The following ADCY2 variants were observed in gnomAD, a reference collection of about 807,000 sequenced individuals.
ADCY2 encodes adenylate cyclase type 2.
In ADCY2, 31 loss-of-function variants were observed where a neutral mutation model predicts 125.2. The ratio of observed to expected loss-of-function variants is 0.25; its 90% confidence interval spans 0.19 to 0.33. ADCY2 has a LOEUF of 0.33. ADCY2 is among the 10% of genes least tolerant of loss of function. The probability of loss-of-function intolerance (pLI) is 1.00; values close to 1 mark genes in which losing one functional copy is unlikely to be tolerated. For missense variants in ADCY2, 904 were observed against 1,418.2 expected (o/e 0.64, Z 5.82); for synonymous variants, 512 against 548.4 (o/e 0.93, Z 0.93).
In ADCY2 at chr5:7,775,269, CAG is replaced by C. The variant is rs1188531426; in HGVS notation, c.2384+2171_2384+2172del. 3.3e-5 allele frequency among the ~76,000 whole-genome samples: 5 copies of C among 151,694 alleles called. No individual in the cohort carries two copies. In the South Asian group the frequency reaches 8.3e-4, roughly 25 times the overall value. On this transcript the variant is annotated intron_variant, in intron 18 of 24. Transcript: ENST00000338316. ...TACACGTATATATTTTTAGTAGAGA[CAG>C]AGTTTCATCATGTTGGCCAGGCTGC...
At chr5:7,443,069 G>A (rs1741073827) in intron 2 of ADCY2, among the ~76,000 whole-genome samples, 1 of 151,988 alleles carries the variant, frequency 6.6e-6, no homozygotes, top group African/African-American at 2.4e-5. Context: ...TTGGATTTCT[G>A]CACAACAAAA....
intron 3 of ADCY2, among the ~76,000 whole-genome samples, chr5:7,620,481 C>T (rs1737919298): frequency 6.6e-6 from 1 of 152,166 alleles, no homozygotes; most frequent in Non-Finnish European, 1.5e-5. Context: ...CACTGGATGT[C>T]ATTAACCAAA....
At chr5:7,459,146 T>C (rs553276223) in intron 2 of ADCY2, among the ~76,000 whole-genome samples, 34 of 152,266 alleles carry the variant, frequency 2.2e-4, no homozygotes, top group African/African-American at 7.7e-4. Flanking sequence ...GGGAGTTCCT[T>C]GGGGGATGAC....
intron 11 of ADCY2, among the ~76,000 whole-genome samples, chr5:7,714,657 C>T (rs1741541664): frequency 6.6e-6 from 1 of 152,234 alleles, no homozygotes. Context: ...GCTCTTCAGG[C>T]TTGCCTGCTT....
intron 3 of ADCY2, among the ~76,000 whole-genome samples, chr5:7,548,156 G>A (rs909923763): frequency 2.0e-5 from 3 of 152,128 alleles, no homozygotes; most frequent in African/African-American, 7.2e-5. Flanking sequence ...AACATATCAT[G>A]TCAGTTTTGT....
intron 2 of ADCY2, among the ~76,000 whole-genome samples, chr5:7,488,261 T>C (rs540523305): frequency 6.6e-6 from 1 of 152,314 alleles, no homozygotes; most frequent in Non-Finnish European, 1.5e-5. Flanking sequence ...GGCCACCATG[T>C]AAGACACCCG....
chr5:7,660,237 AGAGAAGGAAGGAAG>A (rs1351498895), intron 4 of ADCY2, among the ~76,000 whole-genome samples: 48 of 135,712 alleles, frequency 3.5e-4, no homozygotes, highest in Non-Finnish European at 5.7e-4. Context: ...GGAGGGAGGG[AGAGAAGGAAGGAAG>A]GAAGGAAGGA....
intron 19 of ADCY2, among the ~76,000 whole-genome samples, chr5:7,788,347 T>C (rs962885470): frequency 1.3e-5 from 2 of 152,022 alleles, no homozygotes; most frequent in Non-Finnish European, 2.9e-5. Flanking sequence ...GCCCGGCTAA[T>C]TTTTGTATTT....
At chr5:7,474,781 A>C (rs1418268254) in intron 2 of ADCY2, among the ~76,000 whole-genome samples, 1 of 152,256 alleles carries the variant, frequency 6.6e-6, no homozygotes. Context: ...AAGAATTCAC[A>C]TATCAACTGG....
At chr5:7,418,349 T>C (rs2126341611) in intron 2 of ADCY2, among the ~76,000 whole-genome samples, 1 of 152,286 alleles carries the variant, frequency 6.6e-6, no homozygotes, top group East Asian at 1.9e-4. Context: ...ACCTGCCGCC[T>C]GGGGATGTTT....
intron 1 of ADCY2, among the ~76,000 whole-genome samples, chr5:7,413,692 A>G (rs528470348): frequency 1.1e-4 from 17 of 152,074 alleles, no homozygotes; most frequent in Non-Finnish European, 2.2e-4. Context: ...TCTGTTCCAT[A>G]GTAAACGCTG....
chr5:7,554,479 C>T (rs1479411569), intron 3 of ADCY2, among the ~76,000 whole-genome samples: 1 of 151,894 alleles, frequency 6.6e-6, no homozygotes, highest in East Asian at 1.9e-4. Context: ...GTTTACTTGC[C>T]ATAAATAAGA....
intron 2 of ADCY2, among the ~76,000 whole-genome samples, chr5:7,517,226 TTCTGCAGAGGA>T (rs1436582803): frequency 6.6e-6 from 1 of 152,158 alleles, no homozygotes; most frequent in Non-Finnish European, 1.5e-5. Flanking sequence ...AACTTGGGGT[TTCTGCAGAGGA>T]TCACAGGAAT....
chr5:7,485,118 G>A (rs1742875751), intron 2 of ADCY2, among the ~76,000 whole-genome samples: 1 of 152,154 alleles, frequency 6.6e-6, no homozygotes, highest in Admixed American at 6.6e-5. Context: ...TAAATTCAGT[G>A]GACCAATTAT....
intron 2 of ADCY2, among the ~76,000 whole-genome samples, chr5:7,432,515 G>T (rs905603989): frequency 1.3e-5 from 2 of 152,110 alleles, no homozygotes; most frequent in Non-Finnish European, 2.9e-5. Context: ...TCCTGGACCC[G>T]CTCACCTTCG....
chr5:7,438,012 G>T (rs1480138039), intron 2 of ADCY2, among the ~76,000 whole-genome samples: 1 of 152,176 alleles, frequency 6.6e-6, no homozygotes, highest in Non-Finnish European at 1.5e-5. Flanking sequence ...GATAAGAAAA[G>T]AAAAGAAATG....
intron 20 of ADCY2, among the ~76,000 whole-genome samples, chr5:7,790,566 C>T (rs1033392252): frequency 4.6e-5 from 7 of 152,218 alleles, no homozygotes; most frequent in African/African-American, 7.2e-5. Context: ...ATCCACAGTA[C>T]GCAAAGCCCT....
rs545964758 is a variant in ADCY2, at chr5:7,711,617, G to A, written c.1579-1239G>A. Among the ~76,000 whole-genome samples the A allele has an allele frequency of 1.1e-4, 17 of 152,200 alleles. 1 individual carries two copies. In the South Asian group the frequency reaches 2.9e-3, roughly 26 times the overall value. ...TGACTGTCTCTTTTATTATCTGAGC[G>A]TAGGATCCAGGAATGGTTTCAGTCT... On this transcript the variant is annotated intron_variant, in intron 10 of 24. Coordinates refer to ENST00000338316, the MANE Select transcript of ADCY2 (RefSeq NM_020546.3).
At chr5:7,524,743 G>A (rs537457372) in intron 3 of ADCY2, among the ~76,000 whole-genome samples, 5 of 152,174 alleles carry the variant, frequency 3.3e-5, no homozygotes, top group South Asian at 2.1e-4. Flanking sequence ...GCATCCTCCC[G>A]GAGCGCAATC....
Sources: allele counts gnomAD v4.1 joint callset (sites outside exome capture counted in the v4.1 genomes callset), GRCh38; gene constraint gnomAD v4.1.1; transcripts MANE v1.5; gene names NCBI Gene and HGNC (gene_info 2026-07-23, HGNC 2026-07-21).